Variants in NDST3 observed in about 807,000 individuals in gnomAD.
NDST3 encodes the protein N-deacetylase and N-sulfotransferase 3, also known as bifunctional heparan sulfate N-deacetylase/N-sulfotransferase 3.
Under a neutral mutation model 96.1 loss-of-function variants are expected in NDST3, and 58 were observed. That is an observed-to-expected ratio of 0.60 (90% CI 0.49 to 0.75). The LOEUF is 0.75. NDST3 is among the 30% of genes least tolerant of loss of function. The pLI is 0.00. For missense variants in NDST3, 788 were observed against 1,034.2 expected, an observed-to-expected ratio of 0.76 and a Z score of 3.27; for synonymous variants, 333 against 359.7, an observed-to-expected ratio of 0.93 and a Z score of 0.84.
intron 6 of NDST3, among the ~76,000 whole-genome samples, chr4:118,216,571 C>T (rs1739206205): frequency 1.3e-5 from 2 of 152,042 alleles, no homozygotes; most frequent in South Asian, 4.2e-4. Context: ...GACTGTAGAG[C>T]CAGTAGGTGG....
intron 3 of NDST3, among the ~76,000 whole-genome samples, chr4:118,111,560 G>A (rs1368553632): frequency 4.1e-4 from 58 of 141,328 alleles, no homozygotes; most frequent in Non-Finnish European, 6.7e-4. Flanking sequence ...TTTTTGAGAT[G>A]GAGTCTCGCT....
chr4:118,098,286 A>T (rs1305408209), intron 2 of NDST3, among the ~76,000 whole-genome samples: 1 of 152,024 alleles, frequency 6.6e-6, no homozygotes, highest in Non-Finnish European at 1.5e-5. Flanking sequence ...ATATATAAAC[A>T]TCCCTTTTCT....
intron 6 of NDST3, among the ~76,000 whole-genome samples, chr4:118,149,389 A>G (rs543005797): frequency 2.8e-4 from 42 of 152,024 alleles, no homozygotes; most frequent in African/African-American, 1.0e-3. Context: ...ACCCAAGAGC[A>G]TGGAATGTTC....
chr4:118,154,261 C>T (rs2125918469), intron 6 of NDST3, among the ~76,000 whole-genome samples: 1 of 152,264 alleles, frequency 6.6e-6, no homozygotes, highest in Admixed American at 6.5e-5. Context: ...ACACCTGCCC[C>T]ACAGTGTGAT....
chr4:118,192,889 G>T (rs1367064474), intron 6 of NDST3, among the ~76,000 whole-genome samples: 2 of 152,232 alleles, frequency 1.3e-5, no homozygotes, highest in Middle Eastern at 3.4e-3. Context: ...TGGTCACCAT[G>T]ACACCAGGAG....
chr4:118,201,479 T>C (rs1010051683), intron 6 of NDST3, among the ~76,000 whole-genome samples: 1 of 152,376 alleles, frequency 6.6e-6, no homozygotes, highest in Non-Finnish European at 1.5e-5. Context: ...ACAGCCATTC[T>C]GACTGGTGTG....
chr4:118,173,074 G>A (rs1319527544), intron 6 of NDST3, among the ~76,000 whole-genome samples: 2 of 151,938 alleles, frequency 1.3e-5, no homozygotes, highest in African/African-American at 4.8e-5. Context: ...CAGGCAATGT[G>A]CTACATGCTT....
At chr4:118,105,800 G>A (rs916680372) in intron 3 of NDST3, among the ~76,000 whole-genome samples, 8 of 152,136 alleles carry the variant, frequency 5.3e-5, no homozygotes, top group African/African-American at 1.9e-4. Context: ...GTCCTTCAGA[G>A]GACTTGAGTA....
Position 118,255,758 on chromosome 4 carries a change from T to C in NDST3, c.*46T>C, listed in dbSNP as rs1382093945. ...CTTCATCGTCCATGTAGAACACACC[T>C]TTTCCAAAGCTTCCAGAAGCTACCA... On this transcript the variant is annotated 3_prime_UTR_variant, in exon 14 of 14. Coordinates refer to ENST00000296499, the MANE Select transcript of NDST3 (RefSeq NM_004784.3). 2.6e-6 allele frequency: 4 copies of C among 1,511,304 alleles called. No homozygotes were observed. Among genetic ancestry groups the C allele is most frequent in the Admixed American group, 4.3e-5 (2 of 46,414 alleles). The allele number at this position is 1,511,304 out of a possible 1,614,324, so 93.6% of individuals were successfully genotyped here.
chr4:118,052,599 A>G (rs1725142599), intron 1 of NDST3, among the ~76,000 whole-genome samples: 1 of 151,980 alleles, frequency 6.6e-6, no homozygotes, highest in Non-Finnish European at 1.5e-5. Context: ...ATGGCTGTAC[A>G]TTATTTTGGA....
At chr4:118,094,841 A>G (rs1215229086) in intron 2 of NDST3, among the ~76,000 whole-genome samples, 1 of 151,878 alleles carries the variant, frequency 6.6e-6, no homozygotes, top group Non-Finnish European at 1.5e-5. Flanking sequence ...AGGTACACCA[A>G]TAGTAATAGC....
chr4:118,079,561 C>G (rs1487232357), intron 2 of NDST3, among the ~76,000 whole-genome samples: 1 of 152,016 alleles, frequency 6.6e-6, no homozygotes, highest in Non-Finnish European at 1.5e-5. Flanking sequence ...TGAGGGAGCC[C>G]AGGATGAGAG....
intron 8 of NDST3, among the ~76,000 whole-genome samples, chr4:118,231,057 G>A (rs111862846): frequency 9.9e-5 from 15 of 151,710 alleles, no homozygotes; most frequent in East Asian, 3.9e-4. Context: ...ATTTAAGGGC[G>A]GGGCACAGTG....
At chr4:118,110,730 C>T (rs139582869) in intron 3 of NDST3, among the ~76,000 whole-genome samples, 1 of 152,182 alleles carries the variant, frequency 6.6e-6, no homozygotes, top group African/African-American at 2.4e-5. Context: ...TGGCACTTAA[C>T]ACTGTAGAAA....
At chr4:118,058,215 A>T in intron 2 of NDST3, among the ~76,000 whole-genome samples, 1 of 152,186 alleles carries the variant, frequency 6.6e-6, no homozygotes, top group Non-Finnish European at 1.5e-5. Flanking sequence ...CATAAATTTT[A>T]ACTAGCAAAC....
intron 5 of NDST3, 26 bp from the exon 6 acceptor site, chr4:118,143,530 C>T: frequency 6.3e-7 from 1 of 1,581,474 alleles, no homozygotes; most frequent in Non-Finnish European, 8.6e-7. Flanking sequence ...AAAAGCTTTT[C>T]CTTACTTTTT....
chr4:118,104,989 T>G, intron 2 of NDST3, 29 bp from the exon 3 acceptor site: 1 of 1,583,714 alleles, frequency 6.3e-7, no homozygotes, highest in Non-Finnish European at 8.7e-7. Flanking sequence ...ATTCTTTACC[T>G]GATACATTTT....
intron 1 of NDST3, among the ~76,000 whole-genome samples, chr4:118,047,963 A>G (rs1560606546): frequency 6.6e-6 from 1 of 152,174 alleles, no homozygotes; most frequent in Non-Finnish European, 1.5e-5. Flanking sequence ...AAAAAATCTT[A>G]AAGGCAGCTA....
chr4:118,054,866 C>A lies in NDST3; in HGVS notation c.956C>A (p.Thr319Lys). Reference sequence around the variant, plus strand: ...GATATATTTGTGGGAAAAGAGGGAACAAGAATGAACACCAATGATGTAAAG... The same window carrying A: ...GATATATTTGTGGGAAAAGAGGGAAAAAGAATGAACACCAATGATGTAAAG... ...IDDIFVGKEG[T>K]RMNTNDVKAL... The change falls in exon 2 of 14, where the codon ACA becomes AAA. Residue 319 changes from threonine (T) to lysine (K), a missense_variant. Coordinates refer to ENST00000296499, the MANE Select transcript of NDST3 (RefSeq NM_004784.3). The A allele has an allele frequency of 6.2e-7, 1 of 1,611,454 alleles. No homozygotes were observed. The highest frequency in any genetic ancestry group is 8.5e-7 in the Non-Finnish European group (1 of 1,179,052).
Sources: gnomAD v4.1 joint callset for allele counts (sites outside exome capture counted in the v4.1 genomes callset) on GRCh38, gnomAD v4.1.1 for gene constraint, MANE v1.5 for transcripts, NCBI Gene and HGNC (gene_info 2026-07-23, HGNC 2026-07-21) for gene names.